The following FHOD3 variants were observed in gnomAD, a reference collection of about 807,000 sequenced individuals.
FHOD3 encodes FH1/FH2 domain-containing protein 3.
A neutral mutation model predicts 173.0 loss-of-function variants in FHOD3; 90 were observed. That is an observed-to-expected ratio of 0.52 (90% confidence interval 0.44 to 0.62). The LOEUF is 0.62. FHOD3 is among the 20% of genes least tolerant of loss of function. FHOD3 has a pLI of 0.00. For synonymous variants in FHOD3, 828 were observed against 823.0 expected, an observed-to-expected ratio of 1.01 and a Z score of -0.10; for missense variants, 1,945 against 2,034.7, an observed-to-expected ratio of 0.96 and a Z score of 0.85.
intron 5 of FHOD3, among the ~76,000 whole-genome samples, chr18:36,529,127 T>C (rs1325070802): frequency 2.6e-5 from 4 of 152,230 alleles, no homozygotes; most frequent in Non-Finnish European, 5.9e-5. Flanking sequence ...TGGTTGTGGA[T>C]ATTGCCTCTG....
At chr18:36,362,262 G>A (rs1407211291) in intron 2 of FHOD3, among the ~76,000 whole-genome samples, 1 of 152,198 alleles carries the variant, frequency 6.6e-6, no homozygotes, top group Non-Finnish European at 1.5e-5. Context: ...AGCCGAGGAA[G>A]GTGAGTGGAT....
rs74756967 is a variant in FHOD3, at chr18:36,567,416, C to T, written c.512-9035C>T. The stretch of plus-strand genomic sequence containing the variant: ...GCTCCATCCAGGCCACCTTCCACAT[C>T]GCTGTTAGATTTCTTATTGTAAAAA... On this transcript the variant is annotated intron_variant, in intron 5 of 28. Transcript: ENST00000590592. Among the ~76,000 whole-genome samples, 1,105 of 152,278 alleles carry T rather than the reference C, an allele frequency of 7.3e-3. 19 individuals are homozygous for T. Among genetic ancestry groups the T allele is most frequent in the African/African-American group, 0.025 (1,040 of 41,544 alleles).
chr18:36,750,867 T>C (rs185925468), intron 24 of FHOD3, among the ~76,000 whole-genome samples: 3 of 152,262 alleles, frequency 2.0e-5, no homozygotes, highest in East Asian at 3.8e-4. Context: ...ACTAGTACTA[T>C]GCTGTCGCAA....
intron 10 of FHOD3, among the ~76,000 whole-genome samples, chr18:36,632,981 T>C (rs2034622281): frequency 6.6e-6 from 1 of 152,174 alleles, no homozygotes; most frequent in African/African-American, 2.4e-5. Context: ...GGCCTTTGAC[T>C]TGGGGTTTTA....
rs546762673 is a variant in FHOD3 at position 36,448,378 on chromosome 18, T to A, written c.338-53554T>A. Reference sequence around the variant, plus strand: ...TCTTTGGGACTTTGCATTGTATTTTTAAAATTTGTTTCAGGGTCACACATT... The same window carrying A: ...TCTTTGGGACTTTGCATTGTATTTTAAAAATTTGTTTCAGGGTCACACATT... On this transcript the variant is annotated intron_variant, in intron 3 of 28. Transcript: ENST00000590592. 4.6e-5 allele frequency among the ~76,000 whole-genome samples: 7 copies of A among 152,348 alleles called. No individual in the cohort carries two copies. In the South Asian group the frequency reaches 1.2e-3, roughly 27 times the overall value.
intron 5 of FHOD3, among the ~76,000 whole-genome samples, chr18:36,545,804 G>T (rs1374802054): frequency 2.6e-5 from 4 of 152,150 alleles, no homozygotes; most frequent in African/African-American, 4.8e-5. Flanking sequence ...GTTGCTTTTT[G>T]ATATGTGGAA....
At chr18:36,755,019 ATTTT>A in intron 24 of FHOD3, 96 bp from the exon 25 acceptor site, 1 of 264,966 alleles carries the variant, frequency 3.8e-6, no homozygotes, top group Non-Finnish European at 6.6e-6. Flanking sequence ...ATTATTATTT[ATTTT>A]AAGTTCTCAC....
At chr18:36,731,997 T>A (rs2041386580) in intron 20 of FHOD3, among the ~76,000 whole-genome samples, 1 of 152,224 alleles carries the variant, frequency 6.6e-6, no homozygotes, top group South Asian at 2.1e-4. Flanking sequence ...GATGAGGTCA[T>A]ACTGGATTCA....
At chr18:36,436,327 T>A (rs1296836104) in intron 3 of FHOD3, among the ~76,000 whole-genome samples, 1 of 152,220 alleles carries the variant, frequency 6.6e-6, no homozygotes, top group East Asian at 1.9e-4. Context: ...TGATTTTTTT[T>A]ATTTAAAAAA....
At chr18:36,565,511 C>G (rs1323069521) in intron 5 of FHOD3, among the ~76,000 whole-genome samples, 1 of 152,134 alleles carries the variant, frequency 6.6e-6, no homozygotes, top group East Asian at 1.9e-4. Context: ...ATCTTCATTC[C>G]CAATGTGCAA....
chr18:36,650,626 T>C (rs2035985317), intron 11 of FHOD3, among the ~76,000 whole-genome samples: 1 of 152,174 alleles, frequency 6.6e-6, no homozygotes. Flanking sequence ...CCACCTTCAG[T>C]TGAAAATGAG....
At chr18:36,512,322 G>T in intron 4 of FHOD3, 116 bp from the exon 5 acceptor site, 1 of 735,572 alleles carries the variant, frequency 1.4e-6, no homozygotes, top group Non-Finnish European at 2.4e-6. Context: ...ATACAGCAGA[G>T]CAATCTGTAG....
At chr18:36,444,192 CAAAAAAAAAA>C (rs71168225) in intron 3 of FHOD3, among the ~76,000 whole-genome samples, 1 of 88,086 alleles carries the variant, frequency 1.1e-5, no homozygotes, top group Non-Finnish European at 2.1e-5. Context: ...GACTCCGTCT[CAAAAAAAAAA>C]AAAAAAAAAA....
intron 28 of FHOD3, chr18:36,777,886 G>A (rs1326148553): frequency 2.0e-5 from 3 of 152,176 alleles, no homozygotes; most frequent in Non-Finnish European, 4.4e-5. Context: ...GCAGTAACAC[G>A]ATTTGAGAGA....
intron 14 of FHOD3, among the ~76,000 whole-genome samples, chr18:36,666,124 A>C (rs923495541): frequency 1.3e-5 from 2 of 152,260 alleles, no homozygotes; most frequent in African/African-American, 4.8e-5. Context: ...GTGAGACTCC[A>C]TGTGGGACCA....
intron 3 of FHOD3, among the ~76,000 whole-genome samples, chr18:36,470,887 G>A (rs185372736): frequency 4.4e-4 from 67 of 152,316 alleles, no homozygotes; most frequent in African/African-American, 1.6e-3. Flanking sequence ...TAAGTAACCC[G>A]CAGCTTCGCC....
chr18:36,438,540 A>T lies in FHOD3; in HGVS notation c.338-63392A>T, dbSNP rs541865983. ...GCCTGTACTTCTGTCAGTCCATGGGATGTCAAATCTAGCAGCCCCTCAAAC... is the reference window on the plus strand; with the variant it reads ...GCCTGTACTTCTGTCAGTCCATGGGTTGTCAAATCTAGCAGCCCCTCAAAC... On this transcript the variant is annotated intron_variant, in intron 3 of 28. Transcript: ENST00000590592. Among the ~76,000 whole-genome samples the T allele has an allele frequency of 1.3e-3, 201 of 152,012 alleles. 2 individuals carry two copies. Among genetic ancestry groups the T allele is most frequent in the Non-Finnish European group, 1.3e-3 (86 of 67,952 alleles).
chr18:36,575,168 G>A (rs965783592), intron 5 of FHOD3, among the ~76,000 whole-genome samples: 1 of 152,000 alleles, frequency 6.6e-6, no homozygotes, highest in Non-Finnish European at 1.5e-5. Context: ...ACAAGGTTTT[G>A]CCATGTTGGT....
In FHOD3 at chr18:36,326,389, A is replaced by C. The variant is rs144584046; in HGVS notation, c.165+28389A>C. On this transcript the variant is annotated intron_variant, in intron 1 of 28. Coordinates refer to ENST00000590592, the MANE Select transcript of FHOD3 (RefSeq NM_001281740.3). ...TTTTAGTGCTGTTTCTCATATATGA[A>C]GTCAGAACTGAAAATTCTATTCACT... 2.5e-3 allele frequency among the ~76,000 whole-genome samples: 381 copies of C among 152,332 alleles called. 1 individual carries two copies. Among genetic ancestry groups the C allele is most frequent in the Non-Finnish European group, 4.4e-3 (302 of 68,026 alleles).
Sources: allele counts gnomAD v4.1 joint callset (sites outside exome capture counted in the v4.1 genomes callset), GRCh38; gene constraint gnomAD v4.1.1; transcripts MANE v1.5; gene names NCBI Gene and HGNC (gene_info 2026-07-23, HGNC 2026-07-21).